RANBP17: variants seen among roughly 807,000 people sequenced by gnomAD.
The protein encoded by RANBP17 is ran-binding protein 17.
Under a neutral mutation model 141.2 loss-of-function variants are expected in RANBP17, and 158 were observed. The observed-to-expected ratio is 1.12, with a 90% CI of 0.98 to 1.28. The LOEUF (loss-of-function observed/expected upper bound fraction) is 1.28, where lower values mean the gene tolerates loss of function less well. RANBP17 is among the 50% of genes most tolerant of loss of function. RANBP17 has a pLI of 0.00. For missense variants in RANBP17, 1,438 were observed against 1,290.7 expected, an observed-to-expected ratio of 1.11 and a Z score of -1.75; for synonymous variants, 430 against 450.0, an observed-to-expected ratio of 0.96 and a Z score of 0.56.
intron 1 of RANBP17, among the ~76,000 whole-genome samples, chr5:170,862,498 C>T (rs1766884502): frequency 6.6e-6 from 1 of 152,192 alleles, no homozygotes; most frequent in African/African-American, 2.4e-5. Flanking sequence ...TCGTCAGCCT[C>T]CCTCCACACA....
intron 24 of RANBP17, among the ~76,000 whole-genome samples, chr5:171,246,697 T>C (rs1250059483): frequency 6.6e-6 from 1 of 152,226 alleles, no homozygotes; most frequent in Non-Finnish European, 1.5e-5. Context: ...TGTTAAGACT[T>C]AGAATCTGCA....
At chr5:170,892,365 C>G (rs1459777872) in intron 3 of RANBP17, 22 bp from the exon 4 acceptor site, 11 of 1,441,106 alleles carry the variant, frequency 7.6e-6, no homozygotes, top group Non-Finnish European at 1.0e-5. Flanking sequence ...TCCAGATGAC[C>G]CATGGAGTGT....
At chr5:170,917,742 A>C (rs917783329) in intron 9 of RANBP17, among the ~76,000 whole-genome samples, 2 of 152,160 alleles carry the variant, frequency 1.3e-5, no homozygotes, top group Admixed American at 1.3e-4. Context: ...ACTATCATCA[A>C]CCAATAGGTG....
intron 14 of RANBP17, among the ~76,000 whole-genome samples, chr5:171,081,846 A>G (rs945495835): frequency 4.6e-5 from 7 of 152,128 alleles, no homozygotes; most frequent in Non-Finnish European, 8.8e-5. Context: ...TGCAATTACT[A>G]TCAGATGAAC....
chr5:171,262,839 C>T (rs926264451), intron 24 of RANBP17, among the ~76,000 whole-genome samples: 5 of 152,100 alleles, frequency 3.3e-5, no homozygotes, highest in Non-Finnish European at 7.4e-5. Flanking sequence ...AACTATGGTC[C>T]ACGGCTGTCT....
At chr5:171,114,796 C>T (rs889429465) in intron 14 of RANBP17, among the ~76,000 whole-genome samples, 2 of 151,000 alleles carry the variant, frequency 1.3e-5, no homozygotes, top group African/African-American at 4.9e-5. Context: ...GGGACACAGA[C>T]TAAATGTGGT....
chr5:170,926,737 A>G (rs1210703623), intron 12 of RANBP17, among the ~76,000 whole-genome samples: 2 of 152,072 alleles, frequency 1.3e-5, no homozygotes, highest in East Asian at 3.8e-4. Flanking sequence ...TTCCAGTGCT[A>G]TACTCTGTCC....
intron 4 of RANBP17, among the ~76,000 whole-genome samples, chr5:170,893,007 C>T (rs764473202): frequency 1.5e-4 from 23 of 152,094 alleles, no homozygotes; most frequent in Admixed American, 2.6e-4. Flanking sequence ...CTCCAACTTA[C>T]GATAAATTTT....
intron 14 of RANBP17, among the ~76,000 whole-genome samples, chr5:171,033,317 G>A (rs886562603): frequency 6.6e-6 from 1 of 152,130 alleles, no homozygotes; most frequent in African/African-American, 2.4e-5. Context: ...AATATTCTAA[G>A]CAATGAATAC....
At chr5:171,130,808 A>G (rs1180443425) in intron 14 of RANBP17, among the ~76,000 whole-genome samples, 1 of 152,148 alleles carries the variant, frequency 6.6e-6, no homozygotes, top group Non-Finnish European at 1.5e-5. Flanking sequence ...ATTGACTGTT[A>G]TCTTTGTATA....
At chr5:171,054,872 G>T (rs890451291) in intron 14 of RANBP17, among the ~76,000 whole-genome samples, 18 of 152,134 alleles carry the variant, frequency 1.2e-4, no homozygotes, top group Non-Finnish European at 1.3e-4. Context: ...CTGAAAACAG[G>T]TGATGATATA....
chr5:171,264,172 T>C (rs773971264), intron 24 of RANBP17, among the ~76,000 whole-genome samples: 4 of 152,136 alleles, frequency 2.6e-5, no homozygotes, highest in Non-Finnish European at 5.9e-5. Context: ...TATGTTCCCA[T>C]TGATAAGTGG....
At chr5:170,989,780 A>C (rs2127562482) in intron 14 of RANBP17, among the ~76,000 whole-genome samples, 3 of 151,856 alleles carry the variant, frequency 2.0e-5, no homozygotes, top group South Asian at 4.1e-4. Flanking sequence ...TCCAGGAAGG[A>C]AAGTTAAGAA....
chr5:171,063,242 T>C (rs1016884513), intron 14 of RANBP17, among the ~76,000 whole-genome samples: 1 of 152,254 alleles, frequency 6.6e-6, no homozygotes, highest in Admixed American at 6.5e-5. Flanking sequence ...CGCTCTGCTT[T>C]TTAGAGTTTC....
intron 14 of RANBP17, among the ~76,000 whole-genome samples, chr5:171,005,112 T>A (rs1213118916): frequency 1.3e-5 from 2 of 152,122 alleles, no homozygotes; most frequent in African/African-American, 4.8e-5. Context: ...GCTGACTGGG[T>A]GATAAAATGC....
At chr5:170,886,956 C>T (rs929318774) in intron 3 of RANBP17, among the ~76,000 whole-genome samples, 2 of 151,928 alleles carry the variant, frequency 1.3e-5, no homozygotes, top group Non-Finnish European at 2.9e-5. Flanking sequence ...AGCCACCATG[C>T]CCGGCTATGT....
intron 24 of RANBP17, among the ~76,000 whole-genome samples, chr5:171,251,150 G>T (rs928882419): frequency 6.6e-6 from 1 of 152,182 alleles, no homozygotes; most frequent in Non-Finnish European, 1.5e-5. Flanking sequence ...GCACAGTGGC[G>T]TGGTCATGGC....
At chr5:171,181,082 G>T (rs1401946845) in intron 16 of RANBP17, among the ~76,000 whole-genome samples, 1 of 152,156 alleles carries the variant, frequency 6.6e-6, no homozygotes, top group African/African-American at 2.4e-5. Flanking sequence ...TGAGTGGCAG[G>T]TCTTCAGCCC....
intron 13 of RANBP17, among the ~76,000 whole-genome samples, chr5:170,960,937 G>A (rs1259655582): frequency 6.6e-6 from 1 of 152,096 alleles, no homozygotes; most frequent in Non-Finnish European, 1.5e-5. Context: ...GTAGAGACAG[G>A]GTTTCACCGT....
Sources: allele counts gnomAD v4.1 joint callset (sites outside exome capture counted in the v4.1 genomes callset), GRCh38; gene constraint gnomAD v4.1.1; transcripts MANE v1.5; gene names NCBI Gene and HGNC (gene_info 2026-07-23, HGNC 2026-07-21).